The following TBC1D8 variants were observed in gnomAD, a reference collection of about 807,000 sequenced individuals.
TBC1D8 encodes the protein BUB2-like protein 1.
TBC1D8 carries 65 observed loss-of-function variants against 118.8 expected under a neutral mutation model. The ratio of observed to expected loss-of-function variants is 0.55; its 90% confidence interval spans 0.45 to 0.67. The LOEUF (loss-of-function observed/expected upper bound fraction) is 0.67. Among genes scored for constraint, TBC1D8 ranks in the 30% least tolerant of loss-of-function variants. The pLI, the probability that TBC1D8 is intolerant of heterozygous loss-of-function variation, is 0.00. For missense variants in TBC1D8, 1,376 were observed against 1,471.2 expected, an observed-to-expected ratio of 0.94 and a Z score of 1.06; for synonymous variants, 566 against 595.8, an observed-to-expected ratio of 0.95 and a Z score of 0.73.
At chr2:101,096,057 GA>G (rs1406721354) in intron 1 of TBC1D8, among the ~76,000 whole-genome samples, 1 of 152,176 alleles carries the variant, frequency 6.6e-6, no homozygotes, top group Admixed American at 6.5e-5. Flanking sequence ...ATTTGAGAAA[GA>G]GTTCTTTTTT....
At chr2:101,095,401 C>CG (rs1676343946) in intron 1 of TBC1D8, among the ~76,000 whole-genome samples, 2 of 135,064 alleles carry the variant, frequency 1.5e-5, no homozygotes, top group South Asian at 5.8e-4. Flanking sequence ...TCTCCCCCCC[C>CG]CTCCCCCCAC....
chr2:101,097,792 C>T (rs1346965405), intron 1 of TBC1D8, among the ~76,000 whole-genome samples: 1 of 152,090 alleles, frequency 6.6e-6, no homozygotes, highest in Non-Finnish European at 1.5e-5. Flanking sequence ...TGCATTAGCC[C>T]AAGAGTTTGA....
chr2:101,010,979 A>C lies in TBC1D8; in HGVS notation c.2965T>G (p.Leu989Val). Residue 989 changes from leucine (L) to valine (V), a missense_variant, in exon 19 of 20, where the codon TTA becomes GTA. Physicochemically the swap from Leu to Val is conservative, Grantham distance 32. Coordinates refer to ENST00000409318, the MANE Select transcript of TBC1D8 (RefSeq NM_001330348.2). ...TCAGTTTTATCTTTTTCTTTGGCTA[A>C]ATCCTTAATCATCTGCTTCAGCTGT... ...QKQLKQMIKDLAKEKDKTEKE... is the reference protein window; with the variant it reads ...QKQLKQMIKDVAKEKDKTEKE... 1.2e-6 allele frequency: 2 copies of C among 1,613,160 alleles called. No individual in the cohort carries two copies. Among genetic ancestry groups the C allele is most frequent in the Non-Finnish European group, 1.7e-6 (2 of 1,179,892 alleles).
intron 5 of TBC1D8, among the ~76,000 whole-genome samples, chr2:101,041,352 TAAAAAAGGAATGAAGTACTG>T (rs1681375199): frequency 6.6e-6 from 1 of 152,152 alleles, no homozygotes; most frequent in Non-Finnish European, 1.5e-5. Context: ...TGTTCAGCCA[TAAAAAAGGAATGAAGTACTG>T]ATGAGTGCCA....
rs751106409 is a variant in TBC1D8, at chr2:101,033,685, G to A, written c.1677C>T (p.Cys559=). ...NLVEESLGKC[C]LVTEEIERDL... is the part of the protein sequence containing the mutation. ...CTCGTTCTATCTCCTCGGTTACCAG[G>A]CAGCATTTCCCCAGGGACTCCTCCA... The change falls in exon 10 of 20, where the codon TGC becomes TGT. Residue 559 remains cysteine (C), a synonymous_variant. Coordinates refer to ENST00000409318, the MANE Select transcript of TBC1D8 (RefSeq NM_001330348.2). 10 of 1,613,776 alleles carry A rather than the reference G, an allele frequency of 6.2e-6. No individual in the cohort carries two copies. The South Asian group carries it at 8.8e-5, about 14-fold the overall frequency.
At chr2:101,131,387 C>T (rs533875608) in intron 1 of TBC1D8, among the ~76,000 whole-genome samples, 3 of 152,230 alleles carry the variant, frequency 2.0e-5, no homozygotes, top group African/African-American at 7.2e-5. Flanking sequence ...TGGTGACGTG[C>T]GCCTGTAATC....
At chr2:101,029,175 G>A (rs1488737274) in intron 12 of TBC1D8, among the ~76,000 whole-genome samples, 2 of 152,164 alleles carry the variant, frequency 1.3e-5, no homozygotes, top group African/African-American at 4.8e-5. Flanking sequence ...GATCACTTGA[G>A]GCCAGGAGTT....
chr2:101,033,823 T>C (rs2105391467), intron 9 of TBC1D8, 65 bp from the exon 10 acceptor site: 1 of 1,545,354 alleles, frequency 6.5e-7, no homozygotes, highest in Non-Finnish European at 8.8e-7. Flanking sequence ...ATGAAGAAGA[T>C]GCTGGTCCCA....
chr2:101,059,343 A>T, intron 3 of TBC1D8, 78 bp downstream of exon 3: 1 of 1,085,436 alleles, frequency 9.2e-7, no homozygotes, highest in Admixed American at 2.1e-5. Context: ...AAAAACTGTT[A>T]GTATGCTACA....
At chr2:101,098,264 G>A (rs1676598434) in intron 1 of TBC1D8, among the ~76,000 whole-genome samples, 1 of 151,662 alleles carries the variant, frequency 6.6e-6, no homozygotes, top group African/African-American at 2.4e-5. Flanking sequence ...TGGTGGCAGG[G>A]GCTACTCAGG....
Position 101,054,662 on chromosome 2 carries a change from C to T in TBC1D8, c.403-326G>A, listed in dbSNP as rs1351767684. On this transcript the variant is annotated intron_variant, in intron 3 of 19. Coordinates refer to ENST00000409318, the MANE Select transcript of TBC1D8 (RefSeq NM_001330348.2). ...CGGTTCTCAAACAAACAATCATTTT[C>T]TTTTCTTTTCTTTTTTTTTTTTTTT... Among the ~76,000 whole-genome samples, 66 of 37,754 alleles carry T rather than the reference C, an allele frequency of 1.7e-3. 4 individuals are homozygous for T. The highest frequency in any genetic ancestry group is 2.3e-3 in the East Asian group (2 of 876). The allele number at this position is 37,754 out of a possible 152,430, so 24.8% of individuals were successfully genotyped here. A position where few individuals can be genotyped will look rare whatever the true frequency, so the allele number is the denominator to read the frequency against.
intron 2 of TBC1D8, among the ~76,000 whole-genome samples, chr2:101,067,988 A>C (rs1683107014): frequency 6.6e-6 from 1 of 152,196 alleles, no homozygotes; most frequent in South Asian, 2.1e-4. Context: ...CCTCTCAAGA[A>C]GCCACTTTCT....
chr2:101,140,292 T>C (rs1197191231), intron 1 of TBC1D8, among the ~76,000 whole-genome samples: 1 of 152,160 alleles, frequency 6.6e-6, no homozygotes, highest in Non-Finnish European at 1.5e-5. Flanking sequence ...TAATTTCAAA[T>C]AAAAGTACCT....
At chr2:101,142,661 A>G (rs4851406) in intron 1 of TBC1D8, among the ~76,000 whole-genome samples, 22,047 of 152,280 alleles carry the variant, frequency 0.14, 1,993 homozygotes, top group East Asian at 0.27. Flanking sequence ...TGACAGAAAA[A>G]TACATAAAGC....
intron 1 of TBC1D8, 108 bp from the exon 2 acceptor site, chr2:101,090,472 GAC>G (rs1675962737): frequency 8.2e-7 from 1 of 1,218,784 alleles, no homozygotes; most frequent in East Asian, 2.5e-5. Context: ...GGGTAGCAGA[GAC>G]AGTTTTACAT....
chr2:101,137,523 A>G (rs1294816880), intron 1 of TBC1D8, among the ~76,000 whole-genome samples: 1 of 151,456 alleles, frequency 6.6e-6, no homozygotes, highest in Non-Finnish European at 1.5e-5. Flanking sequence ...CGTGTTAGCT[A>G]GGATGGTCTC....
At chr2:101,080,904 C>A (rs1259807588) in intron 2 of TBC1D8, among the ~76,000 whole-genome samples, 2 of 151,806 alleles carry the variant, frequency 1.3e-5, no homozygotes, top group African/African-American at 2.4e-5. Flanking sequence ...GCCTCCTGAG[C>A]AGCTGGCACC....
intron 1 of TBC1D8, among the ~76,000 whole-genome samples, chr2:101,114,447 G>T (rs929819020): frequency 6.6e-6 from 1 of 152,220 alleles, no homozygotes; most frequent in Admixed American, 6.5e-5. Flanking sequence ...TAAATTCAAA[G>T]AACCCAGTTG....
At chr2:101,029,340 TTG>T in intron 12 of TBC1D8, 149 bp downstream of exon 12, 1 of 789,358 alleles carries the variant, frequency 1.3e-6, no homozygotes, top group Non-Finnish European at 1.9e-6. Context: ...AGTGAGCAGA[TTG>T]TGGGGTGCCA....
Sources: allele counts gnomAD v4.1 joint callset (sites outside exome capture counted in the v4.1 genomes callset), GRCh38; gene constraint gnomAD v4.1.1; transcripts MANE v1.5; gene names NCBI Gene and HGNC (gene_info 2026-07-23, HGNC 2026-07-21).